The following SH2D4A variants were observed in gnomAD, a reference collection of about 807,000 sequenced individuals.
SH2D4A encodes SH2 domain-containing protein 4A.
Under a neutral mutation model 64.7 loss-of-function variants are expected in SH2D4A, and 70 were observed. The observed-to-expected ratio is 1.08, with a 90% confidence interval of 0.89 to 1.32. The LOEUF (loss-of-function observed/expected upper bound fraction) is 1.32. SH2D4A is among the 40% of genes most tolerant of loss of function. The pLI, the probability that SH2D4A is intolerant of heterozygous loss-of-function variation, is 0.00. For missense variants in SH2D4A, 706 were observed against 540.1 expected (o/e 1.31, Z -3.04); for synonymous variants, 268 against 200.7 (o/e 1.34, Z -2.83).
chr8:19,315,916 T>G (rs892086160), intron 1 of SH2D4A, among the ~76,000 whole-genome samples: 4 of 152,216 alleles, frequency 2.6e-5, no homozygotes, highest in African/African-American at 9.6e-5. Flanking sequence ...AGTCACAGAC[T>G]GAACCAGTCC....
In SH2D4A at chr8:19,373,432, GTA is replaced by G. The variant is rs2053138192; in HGVS notation, c.918-96_918-95del. 33 of 770,782 alleles carry G rather than the reference GTA, an allele frequency of 4.3e-5. 1 individual carries two copies. The South Asian group carries it at 1.0e-3, about 24-fold the overall frequency. The allele number at this position is 770,782 out of a possible 1,614,324, so 47.7% of individuals were successfully genotyped here. On this transcript the variant is annotated intron_variant, in intron 7 of 9. Transcript: ENST00000265807. ...TGCATGTATATATATGCATGTATAT[GTA>G]TGTGTGTGTGTATATATATATATAT...
At chr8:19,354,721 C>A (rs557417695) in intron 4 of SH2D4A, among the ~76,000 whole-genome samples, 17 of 152,188 alleles carry the variant, frequency 1.1e-4, no homozygotes, top group Non-Finnish European at 2.4e-4. Context: ...GGATAACTCA[C>A]GCATTGTGTT....
intron 2 of SH2D4A, among the ~76,000 whole-genome samples, chr8:19,322,124 GA>G (rs2052201029): frequency 6.6e-6 from 1 of 152,112 alleles, no homozygotes; most frequent in Non-Finnish European, 1.5e-5. Flanking sequence ...TACAGAAAGG[GA>G]AAAAGTTACT....
intron 8 of SH2D4A, among the ~76,000 whole-genome samples, chr8:19,379,750 T>C (rs79952169): frequency 0.019 from 2,861 of 152,246 alleles, 34 homozygotes; most frequent in Non-Finnish European, 0.029. Flanking sequence ...TTTTTTCTCT[T>C]TTAAGAGACA....
intron 2 of SH2D4A, among the ~76,000 whole-genome samples, chr8:19,328,222 G>C (rs1311224871): frequency 3.3e-5 from 5 of 152,198 alleles, no homozygotes; most frequent in African/African-American, 1.2e-4. Flanking sequence ...GCCACCTATA[G>C]AGTCATTCCC....
chr8:19,337,001 A>G (rs940978947), intron 4 of SH2D4A, among the ~76,000 whole-genome samples: 4 of 152,172 alleles, frequency 2.6e-5, no homozygotes, highest in African/African-American at 4.8e-5. Context: ...TTATTCTTTA[A>G]CCATCTCATA....
intron 2 of SH2D4A, among the ~76,000 whole-genome samples, chr8:19,330,824 A>G (rs1467635716): frequency 6.6e-6 from 1 of 151,866 alleles, no homozygotes; most frequent in Non-Finnish European, 1.5e-5. Flanking sequence ...CTGACATAAA[A>G]AAAATATTAT....
At position 19,396,078 on chromosome 8, in the gene SH2D4A, C is replaced by G. The variant is rs1269227340; in HGVS notation, c.*1436C>G. 1 of 152,180 alleles carries G rather than the reference C, an allele frequency of 6.6e-6. No homozygotes were observed. The highest frequency in any genetic ancestry group is 2.4e-5 in the African/African-American group (1 of 41,448). The allele number at this position is 152,180 out of a possible 1,614,324, so 9.4% of individuals were successfully genotyped here. ...GTCCAGTCCCAGTCAGGCGAACGGC[C>G]TCTGGACAGGGACTGAGGTGGCTCT... On this transcript the variant is annotated 3_prime_UTR_variant, in exon 10 of 10. Coordinates refer to ENST00000265807, the MANE Select transcript of SH2D4A (RefSeq NM_022071.4).
At chr8:19,337,728 A>T (rs573327288) in intron 4 of SH2D4A, among the ~76,000 whole-genome samples, 1 of 152,290 alleles carries the variant, frequency 6.6e-6, no homozygotes, top group Admixed American at 6.5e-5. Flanking sequence ...GCGCAGGGAA[A>T]TTCCCATTTA....
Position 19,337,665 on chromosome 8 carries a change from A to G in SH2D4A, c.513+2808A>G, listed in dbSNP as rs551390132. ...TCCATGTAGCTGGGGAGGCCTCACA[A>G]TCACTGTGGAAGGTGAAAGGCACGT... is the stretch of plus-strand genomic sequence containing the variant. On this transcript the variant is annotated intron_variant, in intron 4 of 9. Coordinates refer to ENST00000265807, the MANE Select transcript of SH2D4A (RefSeq NM_022071.4). Among the ~76,000 whole-genome samples the G allele has an allele frequency of 1.1e-4, 16 of 152,328 alleles. 1 individual carries two copies. In the South Asian group the frequency reaches 3.1e-3, roughly 30 times the overall value.
At chr8:19,337,693 A>G (rs1331309331) in intron 4 of SH2D4A, among the ~76,000 whole-genome samples, 3 of 152,234 alleles carry the variant, frequency 2.0e-5, no homozygotes, top group African/African-American at 7.2e-5. Flanking sequence ...AGGCACGTCT[A>G]ACATGGCAGC....
intron 8 of SH2D4A, among the ~76,000 whole-genome samples, chr8:19,392,697 G>A (rs762048037): frequency 8.6e-5 from 13 of 151,976 alleles, no homozygotes; most frequent in Non-Finnish European, 1.8e-4. Context: ...ACACCTGTGT[G>A]TTGCTCTAAA....
chr8:19,314,106 G>A (rs908400201), intron 1 of SH2D4A: 4 of 1,161,714 alleles, frequency 3.4e-6, no homozygotes, highest in Non-Finnish European at 4.3e-6. Context: ...GGGGCCTGGG[G>A]GCTTGCAGGG....
rs1210791071 is a variant in SH2D4A at position 19,313,789 on chromosome 8, G to A, written c.-239G>A. ...TGGCGGCCAAGTGGATGTGGCGGGTGATCGAGCCACCCTGCCCAGGGGCGC... is the reference window on the plus strand; with the variant it reads ...TGGCGGCCAAGTGGATGTGGCGGGTAATCGAGCCACCCTGCCCAGGGGCGC... On this transcript the variant is annotated 5_prime_UTR_variant, in exon 1 of 10. Transcript: ENST00000265807. 2 of 1,512,766 alleles carry A rather than the reference G, an allele frequency of 1.3e-6. No homozygotes were observed. Among genetic ancestry groups the A allele is most frequent in the Non-Finnish European group, 1.8e-6 (2 of 1,135,994 alleles). The allele number at this position is 1,512,766 out of a possible 1,614,324, so 93.7% of individuals were successfully genotyped here. A position where few individuals can be genotyped will look rare whatever the true frequency, so the allele number is the denominator to read the frequency against.
Position 19,394,759 on chromosome 8 carries a change from C to G in SH2D4A, c.*117C>G. 1.9e-6 allele frequency: 1 copy of G among 533,370 alleles called. No homozygotes were observed. Among genetic ancestry groups the G allele is most frequent in the African/African-American group, 2.2e-5 (1 of 45,748 alleles). The allele number at this position is 533,370 out of a possible 1,614,324, so 33.0% of individuals were successfully genotyped here. A position where few individuals can be genotyped will look rare whatever the true frequency, so the allele number is the denominator to read the frequency against. ...CTGCAGCAGAGCCAATACTGATCAA[C>G]TGAAAGTAAAGTATCCATGGAGTCC... On this transcript the variant is annotated 3_prime_UTR_variant, in exon 10 of 10. Coordinates refer to ENST00000265807, the MANE Select transcript of SH2D4A (RefSeq NM_022071.4).
intron 4 of SH2D4A, among the ~76,000 whole-genome samples, chr8:19,335,157 G>T (rs897115119): frequency 6.6e-6 from 1 of 151,992 alleles, no homozygotes; most frequent in Admixed American, 6.6e-5. Flanking sequence ...GCGTGGTGGC[G>T]GGCGCCTGCA....
At chr8:19,386,370 T>G (rs1423685098) in intron 8 of SH2D4A, among the ~76,000 whole-genome samples, 1 of 152,202 alleles carries the variant, frequency 6.6e-6, no homozygotes, top group African/African-American at 2.4e-5. Flanking sequence ...GAAGCTGACT[T>G]TTCTCATAAA....
rs2052883707 is a variant in SH2D4A at position 19,361,318 on chromosome 8, A to G, written c.706+4A>G. On this transcript the variant is annotated splice_donor_region_variant and intron_variant, in intron 6 of 9. Transcript: ENST00000265807. Reference sequence around the variant, plus strand: ...GACTCGGAATGGCAGGCATCTCGTGAGTACCCAGAGGTCTCCATAGCACCT... The same window carrying G: ...GACTCGGAATGGCAGGCATCTCGTGGGTACCCAGAGGTCTCCATAGCACCT... 6.2e-7 allele frequency: 1 copy of G among 1,605,914 alleles called. No homozygotes were observed.
chr8:19,355,561 T>G (rs17128267), intron 4 of SH2D4A, among the ~76,000 whole-genome samples: 19,003 of 152,252 alleles, frequency 0.12, 1,247 homozygotes, highest in Middle Eastern at 0.18. Context: ...TCTCATTTTC[T>G]TATCACTACA....
Sources: gnomAD v4.1 joint callset for allele counts (sites outside exome capture counted in the v4.1 genomes callset) on GRCh38, gnomAD v4.1.1 for gene constraint, MANE v1.5 for transcripts, NCBI Gene and HGNC (gene_info 2026-07-23, HGNC 2026-07-21) for gene names.